The following ATRNL1 variants were observed in gnomAD, a reference collection of about 807,000 sequenced individuals.
ATRNL1 encodes the protein attractin-like protein 1.
A neutral mutation model predicts 182.7 loss-of-function variants in ATRNL1; 95 were observed. The observed-to-expected ratio is 0.52, with a 90% CI of 0.44 to 0.62. The LOEUF (loss-of-function observed/expected upper bound fraction) is 0.62. ATRNL1 is among the 20% of genes least tolerant of loss of function. The pLI, the probability that ATRNL1 is intolerant of heterozygous loss-of-function variation, is 0.00. For synonymous variants in ATRNL1, 576 were observed against 568.3 expected (o/e 1.01, Z -0.19); for missense variants, 1,471 against 1,679.5 (o/e 0.88, Z 2.17).
chr10:115,643,432 A>G (rs1003359944), intron 26 of ATRNL1, among the ~76,000 whole-genome samples: 4 of 152,172 alleles, frequency 2.6e-5, no homozygotes, highest in Non-Finnish European at 4.4e-5. Flanking sequence ...AAGACTTTCT[A>G]GGTATGATAT....
intron 24 of ATRNL1, among the ~76,000 whole-genome samples, chr10:115,478,086 A>T (rs1554973509): frequency 6.6e-6 from 1 of 151,722 alleles, no homozygotes; most frequent in South Asian, 2.1e-4. Context: ...TTTTTAAGTC[A>T]CAGTCTTTCC....
rs548646384 is a variant in ATRNL1, at chr10:115,678,998, G to A, written c.3796-48250G>A. ...CCTCCATTCAAAAATGGGAAAAATAGCAGGCACCATTAGGCATAGTCTGCA... is the reference window on the plus strand; with the variant it reads ...CCTCCATTCAAAAATGGGAAAAATAACAGGCACCATTAGGCATAGTCTGCA... On this transcript the variant is annotated intron_variant, in intron 26 of 28. Coordinates refer to ENST00000355044, the MANE Select transcript of ATRNL1 (RefSeq NM_207303.4). 5.3e-5 allele frequency among the ~76,000 whole-genome samples: 8 copies of A among 152,200 alleles called. No individual in the cohort carries two copies. The East Asian group carries it at 1.6e-3, about 30-fold the overall frequency.
chr10:115,639,879 T>C (rs550855640), intron 26 of ATRNL1, among the ~76,000 whole-genome samples: 2 of 152,118 alleles, frequency 1.3e-5, no homozygotes, highest in East Asian at 1.9e-4. Context: ...GGTATATACA[T>C]GTGCCATGGT....
At chr10:115,179,416 G>A (rs1464308022) in intron 8 of ATRNL1, among the ~76,000 whole-genome samples, 2 of 151,976 alleles carry the variant, frequency 1.3e-5, no homozygotes, top group African/African-American at 4.8e-5. Flanking sequence ...TCCTCATATA[G>A]CTATTTTCTA....
intron 17 of ATRNL1, among the ~76,000 whole-genome samples, chr10:115,309,952 A>G (rs946434028): frequency 6.6e-6 from 1 of 152,030 alleles, no homozygotes; most frequent in African/African-American, 2.4e-5. Flanking sequence ...AATGCGTTCA[A>G]CATTTCCCCA....
chr10:115,163,576 G>C (rs1554883767), intron 6 of ATRNL1, among the ~76,000 whole-genome samples: 1 of 151,810 alleles, frequency 6.6e-6, no homozygotes, highest in African/African-American at 2.4e-5. Context: ...TATTGCCCTG[G>C]CTAGTCTCTT....
intron 24 of ATRNL1, among the ~76,000 whole-genome samples, chr10:115,501,463 T>C (rs1849834713): frequency 2.0e-5 from 3 of 152,280 alleles, no homozygotes; most frequent in South Asian, 4.1e-4. Context: ...CCATAAGTTG[T>C]TTGATTCCTT....
At chr10:115,754,891 T>A (rs1555071568) in intron 27 of ATRNL1, among the ~76,000 whole-genome samples, 1 of 152,202 alleles carries the variant, frequency 6.6e-6, no homozygotes, top group Non-Finnish European at 1.5e-5. Context: ...TCACATTTCT[T>A]GAAAGTTGTT....
chr10:115,730,380 G>T lies in ATRNL1; in HGVS notation c.3903+3025G>T, dbSNP rs113820144. Among the ~76,000 whole-genome samples, 1,310 of 150,130 alleles carry T rather than the reference G, an allele frequency of 8.7e-3. 10 individuals carry two copies. The highest frequency in any genetic ancestry group is 0.013 in the Non-Finnish European group (901 of 67,688). On this transcript the variant is annotated intron_variant, in intron 27 of 28. Transcript: ENST00000355044. Reference sequence around the variant, plus strand: ...TGTACAAAACAGTTTAATTGAATATGAAATTTTAGGTTCAAAGTTCTCTTC... The same window carrying T: ...TGTACAAAACAGTTTAATTGAATATTAAATTTTAGGTTCAAAGTTCTCTTC...
intron 12 of ATRNL1, 23 bp from the exon 13 acceptor site, chr10:115,268,303 A>G (rs369348023): frequency 1.5e-6 from 2 of 1,351,974 alleles, no homozygotes; most frequent in South Asian, 2.3e-5. Context: ...GTGCTGATAT[A>G]TCGTCCCCCA....
At chr10:115,413,164 C>T (rs1845225709) in intron 20 of ATRNL1, among the ~76,000 whole-genome samples, 1 of 152,038 alleles carries the variant, frequency 6.6e-6, no homozygotes, top group Non-Finnish European at 1.5e-5. Flanking sequence ...ATATTTTATA[C>T]ATTTGTTTGG....
At chr10:115,663,996 C>G (rs562040278) in intron 26 of ATRNL1, among the ~76,000 whole-genome samples, 52 of 152,266 alleles carry the variant, frequency 3.4e-4, no homozygotes, top group Admixed American at 2.4e-3. Context: ...TTTCCCACAG[C>G]TCCCACTTTA....
chr10:115,667,367 T>C lies in ATRNL1; in HGVS notation c.3796-59881T>C, dbSNP rs1593037198. ...TTCATTCTCACAATTTGATGGGTTTTCTGCGTTAATAAGTAATCTAAGAAG... is the reference window on the plus strand; with the variant it reads ...TTCATTCTCACAATTTGATGGGTTTCCTGCGTTAATAAGTAATCTAAGAAG... On this transcript the variant is annotated intron_variant, in intron 26 of 28. Transcript: ENST00000355044. Among the ~76,000 whole-genome samples, 10 of 152,334 alleles carry C rather than the reference T, an allele frequency of 6.6e-5. 3 individuals carry two copies. The highest frequency in any genetic ancestry group is 6.5e-4 in the Admixed American group (10 of 15,294).
At chr10:115,177,621 C>G (rs1256155580) in intron 8 of ATRNL1, among the ~76,000 whole-genome samples, 1 of 152,062 alleles carries the variant, frequency 6.6e-6, no homozygotes, top group Non-Finnish European at 1.5e-5. Context: ...TGGACTATGT[C>G]TCCAAAACCT....
intron 26 of ATRNL1, among the ~76,000 whole-genome samples, chr10:115,672,567 G>A (rs576328699): frequency 6.6e-6 from 1 of 152,236 alleles, no homozygotes; most frequent in Non-Finnish European, 1.5e-5. Flanking sequence ...ATAGTATTAA[G>A]TTAGGCAAAC....
At chr10:115,572,899 G>A (rs1854484741) in intron 26 of ATRNL1, among the ~76,000 whole-genome samples, 1 of 152,248 alleles carries the variant, frequency 6.6e-6, no homozygotes, top group South Asian at 2.1e-4. Context: ...TTGAGGGAGG[G>A]GGAGCATGCA....
chr10:115,256,298 A>T (rs1457177874), intron 10 of ATRNL1, among the ~76,000 whole-genome samples: 1 of 151,988 alleles, frequency 6.6e-6, no homozygotes, highest in African/African-American at 2.4e-5. Flanking sequence ...GCTATTAATT[A>T]TTGCCTCAAT....
intron 9 of ATRNL1, among the ~76,000 whole-genome samples, chr10:115,230,899 G>GAGAGAGAGAC (rs1849903791): frequency 6.7e-6 from 1 of 149,766 alleles, no homozygotes; most frequent in African/African-American, 2.5e-5. Context: ...GAGAGAGAGA[G>GAGAGAGAGAC]AGAGAGAGAG....
intron 27 of ATRNL1, among the ~76,000 whole-genome samples, chr10:115,783,562 A>G (rs1555079751): frequency 2.6e-5 from 4 of 152,216 alleles, no homozygotes. Context: ...ATTGCAAAGT[A>G]CCTACACATT....
Sources: allele counts gnomAD v4.1 joint callset (sites outside exome capture counted in the v4.1 genomes callset), GRCh38; gene constraint gnomAD v4.1.1; transcripts MANE v1.5; gene names NCBI Gene and HGNC (gene_info 2026-07-23, HGNC 2026-07-21).